TAFA1: variants seen among roughly 807,000 people sequenced by gnomAD.
The protein encoded by TAFA1 is TAFA chemokine like family member 1.
TAFA1 carries 4 observed loss-of-function variants against 18.5 expected under a neutral mutation model. That is an observed-to-expected ratio of 0.22 (90% CI 0.11 to 0.49). The LOEUF is 0.49. TAFA1 is among the 20% of genes least tolerant of loss of function. TAFA1 has a pLI of 0.98. For missense variants in TAFA1, 147 were observed against 169.0 expected, an observed-to-expected ratio of 0.87 and a Z score of 0.72; for synonymous variants, 56 against 55.2, an observed-to-expected ratio of 1.01 and a Z score of -0.06.
intron 2 of TAFA1, among the ~76,000 whole-genome samples, chr3:68,386,333 A>AT (rs2070103346): frequency 6.6e-6 from 1 of 152,096 alleles, no homozygotes; most frequent in Non-Finnish European, 1.5e-5. Flanking sequence ...ATCATATCAC[A>AT]TTTTTTAGAT....
chr3:68,320,936 G>A (rs2068688989), intron 2 of TAFA1, among the ~76,000 whole-genome samples: 1 of 152,110 alleles, frequency 6.6e-6, no homozygotes, highest in South Asian at 2.1e-4. Context: ...GGAGGCGCTG[G>A]GCATGGTCTA....
At chr3:68,377,646 A>G (rs1198232123) in intron 2 of TAFA1, among the ~76,000 whole-genome samples, 1 of 152,220 alleles carries the variant, frequency 6.6e-6, no homozygotes, top group Non-Finnish European at 1.5e-5. Context: ...TTAATCGCCA[A>G]CACAATGGGG....
At chr3:68,214,172 T>C (rs1188890829) in intron 2 of TAFA1, among the ~76,000 whole-genome samples, 1 of 152,116 alleles carries the variant, frequency 6.6e-6, no homozygotes, top group African/African-American at 2.4e-5. Flanking sequence ...TTGACATACA[T>C]CAACAACTCT....
intron 3 of TAFA1, among the ~76,000 whole-genome samples, chr3:68,528,181 C>T (rs2073134638): frequency 6.6e-6 from 1 of 152,140 alleles, no homozygotes; most frequent in Non-Finnish European, 1.5e-5. Context: ...ATAGTGATAA[C>T]TGCCACATGC....
intron 2 of TAFA1, among the ~76,000 whole-genome samples, chr3:68,067,967 C>G (rs569117607): frequency 2.2e-3 from 328 of 152,064 alleles, no homozygotes; most frequent in African/African-American, 7.6e-3. Flanking sequence ...AAAACAAAAA[C>G]AAGACAAAAA....
intron 2 of TAFA1, among the ~76,000 whole-genome samples, chr3:68,093,469 A>G (rs2065051468): frequency 6.6e-6 from 1 of 152,076 alleles, no homozygotes; most frequent in South Asian, 2.1e-4. Flanking sequence ...TTAAATTTCA[A>G]CTACTATTTA....
intron 2 of TAFA1, among the ~76,000 whole-genome samples, chr3:68,343,566 T>C (rs903821658): frequency 6.6e-6 from 1 of 152,176 alleles, no homozygotes; most frequent in Admixed American, 6.5e-5. Context: ...GATACTACAG[T>C]GATCTCACAG....
chr3:68,448,712 G>T (rs143202865), intron 3 of TAFA1, among the ~76,000 whole-genome samples: 8 of 152,210 alleles, frequency 5.3e-5, no homozygotes, highest in Admixed American at 2.0e-4. Context: ...AGGAAAACTG[G>T]ATATGAAAGG....
upstream of TAFA1, among the ~76,000 whole-genome samples, chr3:68,003,166 A>G (rs1481569187): frequency 6.6e-6 from 1 of 152,234 alleles, no homozygotes; most frequent in Non-Finnish European, 1.5e-5. Context: ...AAGAGCTATT[A>G]TGTGTGTTTT....
intron 2 of TAFA1, among the ~76,000 whole-genome samples, chr3:68,064,116 G>A (rs932134850): frequency 6.6e-6 from 1 of 152,128 alleles, no homozygotes; most frequent in Non-Finnish European, 1.5e-5. Flanking sequence ...GCAAAATAGG[G>A]GAGAACCGGC....
chr3:68,319,334 C>T (rs565912391), intron 2 of TAFA1, among the ~76,000 whole-genome samples: 9 of 152,262 alleles, frequency 5.9e-5, no homozygotes, highest in Non-Finnish European at 1.3e-4. Flanking sequence ...TATTTTGCCC[C>T]CTTCCTTCAT....
chr3:68,045,471 T>C (rs750799538), intron 2 of TAFA1, among the ~76,000 whole-genome samples: 22 of 152,134 alleles, frequency 1.4e-4, no homozygotes, highest in Admixed American at 3.3e-4. Context: ...ATTAGATACA[T>C]AGTCAGGAAA....
Position 68,145,421 on chromosome 3 carries a change from C to T in TAFA1, c.118+138677C>T, listed in dbSNP as rs957597550. The T allele has an allele frequency of 7.1e-6, 6 of 848,134 alleles. No homozygotes were observed. In the Admixed American group the frequency reaches 8.5e-5, roughly 12 times the overall value. The allele number at this position is 848,134 out of a possible 1,614,324, so 52.5% of individuals were successfully genotyped here. A position where few individuals can be genotyped will look rare whatever the true frequency, so the allele number is the denominator to read the frequency against. On this transcript the variant is annotated intron_variant, in intron 2 of 4. Transcript: ENST00000478136. ...TGATTTTGCAGCCTTTGTTGGACTT[C>T]CTATAGAAGAGGCTGTGAAAGGCTT...
At chr3:68,408,292 A>C (rs1263389251) in intron 2 of TAFA1, among the ~76,000 whole-genome samples, 1 of 152,074 alleles carries the variant, frequency 6.6e-6, no homozygotes, top group Non-Finnish European at 1.5e-5. Flanking sequence ...ATTAATGAGA[A>C]CTGGGGTTTA....
chr3:68,094,875 A>G (rs1321143324), intron 2 of TAFA1, among the ~76,000 whole-genome samples: 1 of 152,182 alleles, frequency 6.6e-6, no homozygotes, highest in Non-Finnish European at 1.5e-5. Context: ...AAAGAAATTG[A>G]ACACAAACTT....
chr3:68,514,045 T>C (rs1252971062), intron 3 of TAFA1, among the ~76,000 whole-genome samples: 1 of 152,132 alleles, frequency 6.6e-6, no homozygotes, highest in East Asian at 1.9e-4. Context: ...GTAGCTGTCT[T>C]CTCTGACTTT....
Position 68,013,033 on chromosome 3 carries a change from T to C in TAFA1, c.118+6289T>C, listed in dbSNP as rs185207867. Among the ~76,000 whole-genome samples, 47 of 152,300 alleles carry C rather than the reference T, an allele frequency of 3.1e-4. 1 individual carries two copies. Among genetic ancestry groups the C allele is most frequent in the African/African-American group, 1.1e-3 (46 of 41,562 alleles). On this transcript the variant is annotated intron_variant, in intron 2 of 4. Coordinates refer to ENST00000478136, the MANE Select transcript of TAFA1 (RefSeq NM_213609.4). ...TAAAATTTTCCAGACACTTTTTTTT[T>C]CGACAGCATCTACCATACCTATTCA...
intron 2 of TAFA1, among the ~76,000 whole-genome samples, chr3:68,377,617 A>G (rs2106655810): frequency 6.6e-6 from 1 of 152,320 alleles, no homozygotes; most frequent in South Asian, 2.1e-4. Flanking sequence ...AATTTGCATA[A>G]GTAACGAGGA....
intron 2 of TAFA1, among the ~76,000 whole-genome samples, chr3:68,357,130 A>G (rs1206403242): frequency 6.6e-6 from 1 of 151,954 alleles, no homozygotes; most frequent in African/African-American, 2.4e-5. Context: ...TATCTCCAGC[A>G]TTTATTTCTT....
Sources: gnomAD v4.1 joint callset for allele counts (sites outside exome capture counted in the v4.1 genomes callset) on GRCh38, gnomAD v4.1.1 for gene constraint, MANE v1.5 for transcripts, NCBI Gene and HGNC (gene_info 2026-07-23, HGNC 2026-07-21) for gene names.